ROBO2: variants seen among roughly 807,000 people sequenced by gnomAD.
The protein encoded by ROBO2 is roundabout guidance receptor 2.
A neutral mutation model predicts 160.8 loss-of-function variants in ROBO2; 53 were observed. The ratio of observed to expected loss-of-function variants is 0.33; its 90% CI spans 0.26 to 0.41. ROBO2 has a LOEUF of 0.41. Among genes scored for constraint, ROBO2 ranks in the 10% least tolerant of loss-of-function variants. The probability of loss-of-function intolerance (pLI) is 1.00; values close to 1 mark genes in which losing one functional copy is unlikely to be tolerated. For synonymous variants in ROBO2, 664 were observed against 611.7 expected (o/e 1.09, Z -1.26); for missense variants, 1,577 against 1,722.4 (o/e 0.92, Z 1.49).
chr3:76,518,475 C>G (rs902522290), intron 2 of ROBO2, among the ~76,000 whole-genome samples: 1 of 152,032 alleles, frequency 6.6e-6, no homozygotes, highest in Non-Finnish European at 1.5e-5. Flanking sequence ...GGTCAAGTCT[C>G]TTTAAGAGGC....
intron 2 of ROBO2, among the ~76,000 whole-genome samples, chr3:76,125,834 T>G (rs1387815387): frequency 6.6e-6 from 1 of 152,122 alleles, no homozygotes; most frequent in Non-Finnish European, 1.5e-5. Context: ...TTCTATTTAT[T>G]ATTATTATTT....
At chr3:76,830,859 T>G (rs961727866) in intron 2 of ROBO2, among the ~76,000 whole-genome samples, 1 of 151,030 alleles carries the variant, frequency 6.6e-6, no homozygotes, top group Non-Finnish European at 1.5e-5. Flanking sequence ...GATGGTGGTA[T>G]GTGCCTACAG....
At chr3:77,486,907 A>G (rs1283243216) in intron 4 of ROBO2, among the ~76,000 whole-genome samples, 1 of 152,086 alleles carries the variant, frequency 6.6e-6, no homozygotes, top group African/African-American at 2.4e-5. Flanking sequence ...CAAATGGCAC[A>G]TGATCTATTG....
intron 2 of ROBO2, among the ~76,000 whole-genome samples, chr3:76,573,278 A>G: frequency 6.6e-6 from 1 of 152,130 alleles, no homozygotes; most frequent in Non-Finnish European, 1.5e-5. Context: ...GGGGTTGATA[A>G]TAGCTACATA....
At chr3:76,247,456 C>T (rs1705689236) in intron 2 of ROBO2, among the ~76,000 whole-genome samples, 1 of 152,124 alleles carries the variant, frequency 6.6e-6, no homozygotes. Context: ...TTTAACATTA[C>T]ATTTAGAATA....
chr3:77,063,235 C>T (rs1269295791), intron 1 of ROBO2, among the ~76,000 whole-genome samples: 1 of 152,136 alleles, frequency 6.6e-6, no homozygotes, highest in Non-Finnish European at 1.5e-5. Flanking sequence ...ATCTGCCACC[C>T]CTAACCAGTT....
intron 2 of ROBO2, among the ~76,000 whole-genome samples, chr3:77,341,657 T>C (rs1465903677): frequency 1.3e-5 from 2 of 152,086 alleles, no homozygotes; most frequent in African/African-American, 2.4e-5. Flanking sequence ...TAACATTCTA[T>C]AGAGACTGCC....
intron 2 of ROBO2, among the ~76,000 whole-genome samples, chr3:76,181,053 G>A (rs1701477577): frequency 6.6e-6 from 1 of 152,012 alleles, no homozygotes; most frequent in African/African-American, 2.4e-5. Context: ...ACTTCCTTAA[G>A]GGCTCAGTTT....
At chr3:77,480,437 T>G (rs1376041329) in intron 3 of ROBO2, among the ~76,000 whole-genome samples, 2 of 152,190 alleles carry the variant, frequency 1.3e-5, no homozygotes, top group Non-Finnish European at 2.9e-5. Flanking sequence ...ATGCTTCTCA[T>G]TTAAGAAATC....
intron 2 of ROBO2, among the ~76,000 whole-genome samples, chr3:76,888,089 C>T (rs527271928): frequency 2.6e-5 from 4 of 152,198 alleles, no homozygotes; most frequent in Non-Finnish European, 4.4e-5. Flanking sequence ...AGTATTGAGC[C>T]GGGCACAGTG....
intron 2 of ROBO2, among the ~76,000 whole-genome samples, chr3:76,975,942 T>A (rs2059796647): frequency 6.6e-6 from 1 of 152,164 alleles, no homozygotes; most frequent in African/African-American, 2.4e-5. Context: ...ATCTCAAATA[T>A]GCAAGATTAA....
chr3:76,346,580 AAT>A (rs1448327154), intron 2 of ROBO2, among the ~76,000 whole-genome samples: 3 of 152,148 alleles, frequency 2.0e-5, no homozygotes, highest in Non-Finnish European at 2.9e-5. Flanking sequence ...AAATGTGGGC[AAT>A]GTCTATTAAA....
At chr3:76,294,251 GGCTGGGCAGCTGCA>G in intron 2 of ROBO2, among the ~76,000 whole-genome samples, 1 of 152,122 alleles carries the variant, frequency 6.6e-6, no homozygotes, top group East Asian at 1.9e-4. Context: ...CTGCAGCTGT[GGCTGGGCAGCTGCA>G]GCTGCCCCTG....
rs530373104 is a variant in ROBO2, at chr3:77,528,182, C to A, written c.934+5280C>A. Among the ~76,000 whole-genome samples the A allele has an allele frequency of 1.3e-4, 19 of 151,614 alleles. No homozygotes were observed. In the South Asian group the frequency reaches 3.7e-3, roughly 30 times the overall value. Reference sequence around the variant, plus strand: ...AAGCTTAAGTTTAATTCACCAATAACTATGTTTAAATAAATTTTGGTAATT... The same window carrying A: ...AAGCTTAAGTTTAATTCACCAATAAATATGTTTAAATAAATTTTGGTAATT... On this transcript the variant is annotated intron_variant, in intron 6 of 25. Transcript: ENST00000461745.
chr3:77,557,211 A>C (rs932361338), intron 8 of ROBO2, among the ~76,000 whole-genome samples: 1 of 151,998 alleles, frequency 6.6e-6, no homozygotes, highest in Non-Finnish European at 1.5e-5. Flanking sequence ...AAATTTATCC[A>C]AATGAACACA....
At chr3:77,640,096 CATTTTTTTT>C (rs1310058422) in intron 24 of ROBO2, among the ~76,000 whole-genome samples, 46 of 97,486 alleles carry the variant, frequency 4.7e-4, no homozygotes, top group Non-Finnish European at 7.2e-4. Flanking sequence ...GCAGAGGAAG[CATTTTTTTT>C]TTTTTTTTTT....
chr3:75,985,981 T>C (rs1299166210), intron 2 of ROBO2, among the ~76,000 whole-genome samples: 1 of 151,730 alleles, frequency 6.6e-6, no homozygotes, highest in Non-Finnish European at 1.5e-5. Context: ...ATTTTAGCTA[T>C]TGTGAATAAT....
chr3:76,498,395 C>T (rs2080269846), intron 2 of ROBO2, among the ~76,000 whole-genome samples: 1 of 151,886 alleles, frequency 6.6e-6, no homozygotes, highest in African/African-American at 2.4e-5. Context: ...AATGTGGTCA[C>T]TATAGTCAAT....
chr3:76,386,205 A>G (rs1039047944), intron 2 of ROBO2, among the ~76,000 whole-genome samples: 1 of 152,138 alleles, frequency 6.6e-6, no homozygotes, highest in Admixed American at 6.6e-5. Flanking sequence ...ATGCACATTT[A>G]ATAAACACAT....
Sources: allele counts gnomAD v4.1 joint callset (sites outside exome capture counted in the v4.1 genomes callset), GRCh38; gene constraint gnomAD v4.1.1; transcripts MANE v1.5; gene names NCBI Gene and HGNC (gene_info 2026-07-23, HGNC 2026-07-21).